Variants in GREB1 observed in about 807,000 individuals in gnomAD.
GREB1 encodes the protein growth regulating estrogen receptor binding 1, also known as protein GREB1.
Under a neutral mutation model 200.7 loss-of-function variants are expected in GREB1, and 106 were observed. The ratio of observed to expected loss-of-function variants is 0.53; its 90% CI spans 0.45 to 0.62. GREB1 has a LOEUF of 0.62. Among genes scored for constraint, GREB1 ranks in the 20% least tolerant of loss-of-function variants. The pLI, the probability that GREB1 is intolerant of heterozygous loss-of-function variation, is 0.00. For synonymous variants in GREB1, 1,132 were observed against 1,092.4 expected, an observed-to-expected ratio of 1.04 and a Z score of -0.72; for missense variants, 2,243 against 2,556.8, an observed-to-expected ratio of 0.88 and a Z score of 2.65.
At chr2:11,539,243 G>A (rs1674548765) in intron 1 of GREB1, among the ~76,000 whole-genome samples, 1 of 151,570 alleles carries the variant, frequency 6.6e-6, no homozygotes, top group Non-Finnish European at 1.5e-5. Flanking sequence ...TAGAGATGTG[G>A]TCTCATTATG....
In GREB1 at chr2:11,642,369, C is replaced by A. The variant is rs1269865932; in HGVS notation, c.*1915C>A. 1 of 151,958 alleles carries A rather than the reference C, an allele frequency of 6.6e-6. No individual in the cohort carries two copies. Among genetic ancestry groups the A allele is most frequent in the Non-Finnish European group, 1.5e-5 (1 of 67,998 alleles). 9.4% of individuals were successfully genotyped at this position (151,958 alleles called of 1,614,324 possible). A position where few individuals can be genotyped will look rare whatever the true frequency, so the allele number is the denominator to read the frequency against. On this transcript the variant is annotated 3_prime_UTR_variant, in exon 33 of 33. Coordinates refer to ENST00000381486, the MANE Select transcript of GREB1 (RefSeq NM_014668.4). Reference sequence around the variant, plus strand: ...TTGTGAACTCCTGGCCTCAGGTGATCTGCCCACCTCATCCTCCAAAAGTGC... The same window carrying A: ...TTGTGAACTCCTGGCCTCAGGTGATATGCCCACCTCATCCTCCAAAAGTGC...
rs73915443 is a variant in GREB1, at chr2:11,603,627, T to C, written c.2666+1085T>C. Among the ~76,000 whole-genome samples, 1,334 of 152,348 alleles carry C rather than the reference T, an allele frequency of 8.8e-3. 27 individuals carry two copies. Among genetic ancestry groups the C allele is most frequent in the African/African-American group, 0.03 (1,254 of 41,568 alleles). Reference sequence around the variant, plus strand: ...TGCAGAAACTAAATCTCTTAGATACTGTTCGGTTCTGTGATACTGATAGAA... The same window carrying C: ...TGCAGAAACTAAATCTCTTAGATACCGTTCGGTTCTGTGATACTGATAGAA... On this transcript the variant is annotated intron_variant, in intron 17 of 32. Coordinates refer to ENST00000381486, the MANE Select transcript of GREB1 (RefSeq NM_014668.4).
rs757607920 is a variant in GREB1 at position 11,632,879 on chromosome 2, C to A, written c.4817-10C>A. ...GTCAGTCCTGAGTCCAGGTGCTTTGCCCACTGCAGGTGCTGCTCATTTCCT... is the reference window on the plus strand; with the variant it reads ...GTCAGTCCTGAGTCCAGGTGCTTTGACCACTGCAGGTGCTGCTCATTTCCT... On this transcript the variant is annotated splice_polypyrimidine_tract_variant and intron_variant, in intron 27 of 32. Transcript: ENST00000381486. 8 of 1,611,856 alleles carry A rather than the reference C, an allele frequency of 5.0e-6. No homozygotes were observed. In the Admixed American group the frequency reaches 5.0e-5, roughly 10 times the overall value.
chr2:11,551,794 G>A (rs1467990754), intron 1 of GREB1, among the ~76,000 whole-genome samples: 1 of 152,182 alleles, frequency 6.6e-6, no homozygotes, highest in Admixed American at 6.5e-5. Context: ...AGCAGGACGA[G>A]CCGTGGCCAA....
At chr2:11,632,555 C>A (rs1308437692) in intron 27 of GREB1, among the ~76,000 whole-genome samples, 1 of 152,136 alleles carries the variant, frequency 6.6e-6, no homozygotes, top group African/African-American at 2.4e-5. Flanking sequence ...CCAGGCTGGT[C>A]TTAAACTCCT....
intron 22 of GREB1, among the ~76,000 whole-genome samples, 153 bp downstream of exon 22, chr2:11,619,072 G>C (rs1683780679): frequency 6.6e-6 from 1 of 152,220 alleles, no homozygotes; most frequent in Non-Finnish European, 1.5e-5. Flanking sequence ...GTGGACCGGA[G>C]GGAGGAGGGC....
chr2:11,574,245 A>G (rs180962180), intron 4 of GREB1, among the ~76,000 whole-genome samples: 59 of 152,338 alleles, frequency 3.9e-4, no homozygotes, highest in African/African-American at 1.4e-3. Context: ...GTACACTGGC[A>G]CACACACAGC....
chr2:11,619,957 C>T (rs917521096), intron 22 of GREB1, among the ~76,000 whole-genome samples: 4 of 152,148 alleles, frequency 2.6e-5, no homozygotes, highest in Admixed American at 6.5e-5. Flanking sequence ...AAAGCACATC[C>T]CTGGAGTGGC....
chr2:11,558,732 C>T (rs1386212726), intron 2 of GREB1, among the ~76,000 whole-genome samples: 1 of 152,186 alleles, frequency 6.6e-6, no homozygotes, highest in Non-Finnish European at 1.5e-5. Context: ...CTTATCCAGG[C>T]CACATCTCGT....
chr2:11,578,488 G>T lies in GREB1; in HGVS notation c.772+57G>T. ...AACCCACAGAGCTGGCACTGTCTCC[G>T]ATGTGTCCGGTTGACTATGCCGTCA... is the stretch of plus-strand genomic sequence containing the variant. On this transcript the variant is annotated intron_variant, in intron 6 of 32. Transcript: ENST00000381486. The T allele has an allele frequency of 6.4e-6, 10 of 1,573,350 alleles. No homozygotes were observed. In the South Asian group the frequency reaches 1.1e-4, roughly 18 times the overall value.
At chr2:11,612,706 T>C in intron 19 of GREB1, 96 bp downstream of exon 19, 1 of 735,784 alleles carries the variant, frequency 1.4e-6, no homozygotes, top group Non-Finnish European at 2.4e-6. Flanking sequence ...GCCCTGACGG[T>C]AGGCAGCACC....
intron 29 of GREB1, among the ~76,000 whole-genome samples, chr2:11,635,002 T>C (rs1392813205): frequency 6.6e-6 from 1 of 152,254 alleles, no homozygotes; most frequent in Non-Finnish European, 1.5e-5. Context: ...CCTTGGCCTC[T>C]GGTCACCACG....
intron 4 of GREB1, among the ~76,000 whole-genome samples, chr2:11,572,076 T>C (rs1206964408): frequency 6.6e-6 from 1 of 152,270 alleles, no homozygotes; most frequent in Non-Finnish European, 1.5e-5. Context: ...AGATTTTCTT[T>C]CTAAACATAT....
intron 1 of GREB1, among the ~76,000 whole-genome samples, chr2:11,509,476 T>TA (rs763206269): frequency 0.1 from 914 of 8,910 alleles, 9 homozygotes; most frequent in African/African-American, 0.11. Flanking sequence ...GTGTTCTCTT[T>TA]AAAAAAAAAA....
intron 1 of GREB1, among the ~76,000 whole-genome samples, chr2:11,521,871 T>C (rs1044376189): frequency 5.3e-5 from 8 of 152,210 alleles, no homozygotes; most frequent in East Asian, 1.9e-4. Flanking sequence ...GCACTGATGC[T>C]CTTCATCTTT....
At chr2:11,515,489 C>G (rs995532064) in intron 1 of GREB1, among the ~76,000 whole-genome samples, 5 of 152,232 alleles carry the variant, frequency 3.3e-5, no homozygotes, top group Admixed American at 6.5e-5. Flanking sequence ...CCCACTCTGT[C>G]TTTTTCCATT....
At chr2:11,599,426 G>A (rs1681568285) in intron 15 of GREB1, among the ~76,000 whole-genome samples, 3 of 150,246 alleles carry the variant, frequency 2.0e-5, no homozygotes, top group African/African-American at 7.4e-5. Context: ...TGCAGGCTCA[G>A]CCTCCTGGGT....
At chr2:11,494,975 G>A (rs554953839) in intron 1 of GREB1, among the ~76,000 whole-genome samples, 1 of 152,258 alleles carries the variant, frequency 6.6e-6, no homozygotes. Flanking sequence ...AGTTTTCATG[G>A]CTCTCCACAT....
intron 5 of GREB1, among the ~76,000 whole-genome samples, chr2:11,576,927 C>T (rs1410421315): frequency 6.6e-6 from 1 of 151,946 alleles, no homozygotes; most frequent in Non-Finnish European, 1.5e-5. Flanking sequence ...CCCAGCTACT[C>T]GGGAGGCTGA....
Sources: gnomAD v4.1 joint callset for allele counts (sites outside exome capture counted in the v4.1 genomes callset) on GRCh38, gnomAD v4.1.1 for gene constraint, MANE v1.5 for transcripts, NCBI Gene and HGNC (gene_info 2026-07-23, HGNC 2026-07-21) for gene names.